Variants in SYNE1 observed in about 807,000 individuals in gnomAD.
SYNE1 encodes the protein spectrin repeat containing nuclear envelope protein 1.
Under a neutral mutation model 1,111.0 loss-of-function variants are expected in SYNE1, and 616 were observed. The ratio of observed to expected loss-of-function variants is 0.55; its 90% confidence interval spans 0.52 to 0.59. The LOEUF is 0.59. SYNE1 is among the 20% of genes least tolerant of loss of function. The probability of loss-of-function intolerance (pLI) is 0.00; values close to 1 mark genes in which losing one functional copy is unlikely to be tolerated. For synonymous variants in SYNE1, 3,855 were observed against 3,825.8 expected, an observed-to-expected ratio of 1.01 and a Z score of -0.28; for missense variants, 10,006 against 10,417.0, an observed-to-expected ratio of 0.96 and a Z score of 1.72.
intron 2 of SYNE1, among the ~76,000 whole-genome samples, chr6:152,631,595 T>C (rs2099698086): frequency 6.6e-6 from 1 of 152,186 alleles, no homozygotes; most frequent in East Asian, 1.9e-4. Flanking sequence ...GTTAGGAAAG[T>C]ATCTCAGGAA....
intron 133 of SYNE1, among the ~76,000 whole-genome samples, chr6:152,153,403 G>A (rs185749475): frequency 1.2e-3 from 186 of 152,174 alleles, no homozygotes; most frequent in Non-Finnish European, 2.2e-3. Context: ...CTGCCCCCAA[G>A]CACAACTTCG....
chr6:152,425,336 A>G, intron 39 of SYNE1, 45 bp downstream of exon 39: 2 of 1,585,530 alleles, frequency 1.3e-6, no homozygotes, highest in African/African-American at 2.7e-5. Context: ...CTCATCATTT[A>G]AAAACAAATG....
At chr6:152,255,456 A>C in intron 103 of SYNE1, 135 bp downstream of exon 103, 1 of 1,069,312 alleles carries the variant, frequency 9.4e-7, no homozygotes, top group Non-Finnish European at 1.4e-6. Context: ...AATATTCTGC[A>C]TTTAAGCAAT....
In SYNE1 at chr6:152,180,362, T is replaced by G. The variant is rs966195060; in HGVS notation, c.23302-68A>C. ...AGAGAAGACCACACTCCAAGGAAAA[T>G]AGCAAATAAACTAGGACTAAAATGA... On this transcript the variant is annotated intron_variant, in intron 128 of 145. Transcript: ENST00000367255. 5 of 1,476,464 alleles carry G rather than the reference T, an allele frequency of 3.4e-6. No individual in the cohort carries two copies. The African/African-American group carries it at 5.6e-5, about 16-fold the overall frequency. The allele number at this position is 1,476,464 out of a possible 1,614,324, so 91.5% of individuals were successfully genotyped here.
At chr6:152,404,401 C>T (rs1480066420) in intron 45 of SYNE1, 87 bp from the exon 46 acceptor site, 24 of 994,830 alleles carry the variant, frequency 2.4e-5, no homozygotes, top group South Asian at 1.4e-4. Context: ...CTAACTTTGT[C>T]GAAATACCCC....
chr6:152,353,794 TA>T (rs771917511), intron 67 of SYNE1, 50 bp from the exon 68 acceptor site: 127 of 1,607,338 alleles, frequency 7.9e-5, no homozygotes, highest in Non-Finnish European at 1.1e-4. Context: ...GCCATTCGAA[TA>T]AGCCAAATGT....
chr6:152,386,062 C>T (rs990272855), intron 54 of SYNE1, among the ~76,000 whole-genome samples: 3 of 152,078 alleles, frequency 2.0e-5, no homozygotes, highest in African/African-American at 4.8e-5. Context: ...TATTTTCTAC[C>T]TTAGTATGGA....
At chr6:152,335,742 T>C (rs1325115390) in intron 76 of SYNE1, 1 of 152,040 alleles carries the variant, frequency 6.6e-6, no homozygotes, top group Admixed American at 6.6e-5. Flanking sequence ...CAGGCTGGAG[T>C]GCAGTGGCAT....
chr6:152,197,332 C>T (rs115274909), intron 127 of SYNE1, among the ~76,000 whole-genome samples: 3,154 of 152,314 alleles, frequency 0.021, 54 homozygotes, highest in African/African-American at 0.034. Context: ...GAGAATTCTA[C>T]TCAGCCATCT....
At chr6:152,489,634 C>G (rs1386956765) in intron 11 of SYNE1, among the ~76,000 whole-genome samples, 3 of 152,080 alleles carry the variant, frequency 2.0e-5, no homozygotes, top group Non-Finnish European at 4.4e-5. Flanking sequence ...CTCTCACTTT[C>G]TTGTCTTGCA....
intron 72 of SYNE1, among the ~76,000 whole-genome samples, chr6:152,349,798 A>T (rs920443218): frequency 4.6e-4 from 70 of 152,164 alleles, no homozygotes; most frequent in African/African-American, 1.7e-3. Context: ...TGCTGTTCTC[A>T]TGATAGCAAA....
chr6:152,520,312 G>T, intron 6 of SYNE1, 147 bp downstream of exon 6: 1 of 838,058 alleles, frequency 1.2e-6, no homozygotes, highest in South Asian at 1.5e-5. Flanking sequence ...AAATCTAAGA[G>T]TATTTTATAA....
At position 152,488,379 on chromosome 6, in the gene SYNE1, T is replaced by G. The variant is rs2098952433; in HGVS notation, c.1047+17A>C. The G allele has an allele frequency of 7.0e-7, 1 of 1,423,388 alleles. No individual in the cohort carries two copies. Among genetic ancestry groups the G allele is most frequent in the Non-Finnish European group, 9.9e-7 (1 of 1,012,710 alleles). The allele number at this position is 1,423,388 out of a possible 1,614,324, so 88.2% of individuals were successfully genotyped here. A position where few individuals can be genotyped will look rare whatever the true frequency, so the allele number is the denominator to read the frequency against. The stretch of plus-strand genomic sequence containing the variant: ...AAATAGCTTTTGAAAAATTCAAAAA[T>G]CTTCTCCATACAATACCTGATATTT... On this transcript the variant is annotated intron_variant, in intron 12 of 145. Coordinates refer to ENST00000367255, the MANE Select transcript of SYNE1 (RefSeq NM_182961.4).
At chr6:152,600,153 G>A (rs572157031) in intron 3 of SYNE1, among the ~76,000 whole-genome samples, 50 of 152,232 alleles carry the variant, frequency 3.3e-4, no homozygotes, top group South Asian at 1.7e-3. Flanking sequence ...TAACAAAGGC[G>A]AACAGTTTAA....
In SYNE1 at chr6:152,331,893, G is replaced by A. The variant is rs770470866; in HGVS notation, c.12795-3C>T. 2.5e-6 allele frequency: 4 copies of A among 1,610,504 alleles called. No individual in the cohort carries two copies. The highest frequency in any genetic ancestry group is 1.7e-5 in the Admixed American group (1 of 60,010). On this transcript the variant is annotated splice_region_variant and splice_polypyrimidine_tract_variant and intron_variant, in intron 77 of 145. Coordinates refer to ENST00000367255, the MANE Select transcript of SYNE1 (RefSeq NM_182961.4). Reference sequence around the variant, plus strand: ...CAGCTGTACTCTCTGCATCAGATCTGAAAATACATGGAAAGGTATAAGAGC... The same window carrying A: ...CAGCTGTACTCTCTGCATCAGATCTAAAAATACATGGAAAGGTATAAGAGC...
At chr6:152,505,473 A>C (rs1273485164) in intron 8 of SYNE1, 76 bp from the exon 9 acceptor site, 19 of 1,501,330 alleles carry the variant, frequency 1.3e-5, no homozygotes, top group Admixed American at 1.7e-5. Context: ...CTCATGCAAA[A>C]TCCAGTGCTT....
chr6:152,384,646 C>G (rs563589828), intron 55 of SYNE1, among the ~76,000 whole-genome samples: 1 of 152,272 alleles, frequency 6.6e-6, no homozygotes, highest in African/African-American at 2.4e-5. Flanking sequence ...GAGGCCAAGG[C>G]AGGCTGATCA....
At chr6:152,465,196 G>T in intron 18 of SYNE1, 62 bp downstream of exon 18, 1 of 1,566,376 alleles carries the variant, frequency 6.4e-7, no homozygotes, top group Non-Finnish European at 8.8e-7. Flanking sequence ...GAGCTACGCT[G>T]TAAAAGTCTC....
chr6:152,605,518 A>G (rs774117223), intron 3 of SYNE1, among the ~76,000 whole-genome samples: 3 of 152,184 alleles, frequency 2.0e-5, no homozygotes, highest in Admixed American at 6.5e-5. Context: ...TCTTTATCAA[A>G]CATATAAAAG....
Sources: gnomAD v4.1 joint callset for allele counts (sites outside exome capture counted in the v4.1 genomes callset) on GRCh38, gnomAD v4.1.1 for gene constraint, MANE v1.5 for transcripts, NCBI Gene and HGNC (gene_info 2026-07-23, HGNC 2026-07-21) for gene names.